The following CX3CR1 variants were observed in gnomAD, a reference collection of about 807,000 sequenced individuals.
CX3CR1 encodes C-X3-C motif chemokine receptor 1, also known as CX3C chemokine receptor 1.
For synonymous variants in CX3CR1, 168 were observed against 178.5 expected (o/e 0.94, Z 0.47); for missense variants, 363 against 432.4 (o/e 0.84, Z 1.42).
upstream of CX3CR1, among the ~76,000 whole-genome samples, chr3:39,281,444 C>G (rs1004426985): frequency 6.6e-6 from 1 of 152,070 alleles, no homozygotes; most frequent in Non-Finnish European, 1.5e-5. Flanking sequence ...GGCCAAGACT[C>G]TCCCTCTCTT....
chr3:39,284,526 T>C (rs138194637), upstream of CX3CR1, among the ~76,000 whole-genome samples: 207 of 152,236 alleles, frequency 1.4e-3, 1 homozygote, highest in African/African-American at 4.7e-3. Flanking sequence ...AGTCTGGGGA[T>C]TAGAGGGTGA....
chr3:39,266,243 G>C lies in CX3CR1; in HGVS notation c.267C>G (p.His89Gln), dbSNP rs1482813857. The change falls in exon 2 of 2, where the codon CAC becomes CAG. Residue 89 changes from histidine to glutamine, a missense_variant. His to Gln is a conservative substitution (Grantham distance 24). Coordinates refer to ENST00000399220, the MANE Select transcript of CX3CR1 (RefSeq NM_001337.4). Reference sequence around the variant, plus strand: ...GGAGGCCCTTTTCATTTATCAAATAGTGAGTCCAGAAGGGCAAAGTGGCTA... The same window carrying C: ...GGAGGCCCTTTTCATTTATCAAATACTGAGTCCAGAAGGGCAAAGTGGCTA... The part of the protein sequence containing the change: ...LFVATLPFWT[H>Q]YLINEKGLHN... 1.9e-6 allele frequency: 3 copies of C among 1,614,082 alleles called. No homozygotes were observed. Among genetic ancestry groups the C allele is most frequent in the Non-Finnish European group, 2.5e-6 (3 of 1,180,020 alleles).
upstream of CX3CR1, chr3:39,281,010 C>T: frequency 1.1e-6 from 1 of 900,170 alleles, no homozygotes; most frequent in Non-Finnish European, 1.3e-6. Flanking sequence ...CCCCTTGCTG[C>T]CCACATCCCA....
chr3:39,281,754 C>G (rs202113290), upstream of CX3CR1: 2 of 1,286,092 alleles, frequency 1.6e-6, no homozygotes, highest in African/African-American at 2.9e-5. Context: ...TCCTACTGTG[C>G]TCTCACCACT....
intron 1 of CX3CR1, among the ~76,000 whole-genome samples, chr3:39,271,684 C>G (rs1273618452): frequency 1.3e-5 from 2 of 152,200 alleles, no homozygotes; most frequent in Non-Finnish European, 2.9e-5. Context: ...ATTCTGTGTG[C>G]TGGAGCTAGT....
the CX3CR1 span, chr3:39,287,876 A>G: frequency 2.0e-5 from 3 of 152,238 alleles, no homozygotes; most frequent in South Asian, 4.1e-4. Context: ...CAACATGGCT[A>G]TAATTCCTGG....
Position 39,265,259 on chromosome 3 carries a change from GTTCAATTTGTTCA to G in CX3CR1, c.*170_*182del, listed in dbSNP as rs2040679163. The stretch of plus-strand genomic sequence containing the variant: ...ATGTCTACTCTTTGTCATTCAAAGA[GTTCAATTTGTTCA>G]TTCTTCAAATTTTGAGCACAATTCT... On this transcript the variant is annotated 3_prime_UTR_variant, in exon 2 of 2. Coordinates refer to ENST00000399220, the MANE Select transcript of CX3CR1 (RefSeq NM_001337.4). The G allele has an allele frequency of 1.7e-6, 1 of 586,556 alleles. No homozygotes were observed. The highest frequency in any genetic ancestry group is 3.3e-5 in the Admixed American group (1 of 30,328). The allele number at this position is 586,556 out of a possible 1,614,324, so 36.3% of individuals were successfully genotyped here.
At chr3:39,268,359 T>A (rs2040730390) in intron 1 of CX3CR1, among the ~76,000 whole-genome samples, 1 of 152,232 alleles carries the variant, frequency 6.6e-6, no homozygotes, top group African/African-American at 2.4e-5. Flanking sequence ...TCAAATGGTA[T>A]AAAATGGCTG....
upstream of CX3CR1, among the ~76,000 whole-genome samples, chr3:39,280,635 TCTCTGCCCCAAGGCATTTAGTGG>T (rs2040886216): frequency 6.6e-6 from 1 of 151,502 alleles, no homozygotes; most frequent in African/African-American, 2.5e-5. Context: ...TTTCCTCACC[TCTCTGCCCCAAGGCATTTAGTGG>T]CTCCCTATAC....
At chr3:39,285,725 T>C (rs1373854059), upstream of CX3CR1, among the ~76,000 whole-genome samples, 1 of 152,246 alleles carries the variant, frequency 6.6e-6, no homozygotes, top group Admixed American at 6.5e-5. Context: ...ATATGGCATG[T>C]GTTTCCATTA....
chr3:39,268,603 C>T (rs1199558878), intron 1 of CX3CR1, among the ~76,000 whole-genome samples: 2 of 152,198 alleles, frequency 1.3e-5, no homozygotes, highest in Non-Finnish European at 2.9e-5. Flanking sequence ...CAAAGCCGAC[C>T]TCGAGAGGTG....
At chr3:39,278,231 G>A (rs1347087494) in intron 1 of CX3CR1, among the ~76,000 whole-genome samples, 1 of 152,204 alleles carries the variant, frequency 6.6e-6, no homozygotes, top group African/African-American at 2.4e-5. Context: ...CCATCCCAGA[G>A]GTGTGGCAAG....
At chr3:39,268,982 TG>T (rs1185934061) in intron 1 of CX3CR1, among the ~76,000 whole-genome samples, 7 of 152,196 alleles carry the variant, frequency 4.6e-5, no homozygotes, top group Non-Finnish European at 1.0e-4. Flanking sequence ...CTGGGTATCC[TG>T]GGAATTTGGT....
chr3:39,268,446 A>G (rs1333041121), intron 1 of CX3CR1, among the ~76,000 whole-genome samples: 3 of 152,226 alleles, frequency 2.0e-5, no homozygotes, highest in Non-Finnish European at 4.4e-5. Flanking sequence ...AGAAATTGCT[A>G]CTTAGTGCCT....
chr3:39,281,824 G>A, upstream of CX3CR1: 2 of 704,452 alleles, frequency 2.8e-6, no homozygotes, highest in South Asian at 3.3e-5. Context: ...CAACTCACCT[G>A]GCTGTCCTGT....
At position 39,264,337 on chromosome 3, in the gene CX3CR1, A is replaced by G. The variant is rs897388826; in HGVS notation, c.*1105T>C. 2 of 152,338 alleles carry G rather than the reference A, an allele frequency of 1.3e-5. No individual in the cohort carries two copies. The highest frequency in any genetic ancestry group is 4.8e-5 in the African/African-American group (2 of 41,478). The allele number at this position is 152,338 out of a possible 1,614,324, so 9.4% of individuals were successfully genotyped here. ...TGCAAGAGTTGGTGGCTAGTTCCTC[A>G]TGCTGGAAAGGATGATCTCTATGTG... On this transcript the variant is annotated 3_prime_UTR_variant, in exon 2 of 2. Coordinates refer to ENST00000399220, the MANE Select transcript of CX3CR1 (RefSeq NM_001337.4).
upstream of CX3CR1, among the ~76,000 whole-genome samples, chr3:39,283,360 T>C (rs2040920255): frequency 6.6e-6 from 1 of 152,156 alleles, no homozygotes; most frequent in Admixed American, 6.5e-5. Context: ...GTGGTATTAC[T>C]TCCAAGGTGG....
chr3:39,290,127 A>T, the CX3CR1 span, among the ~76,000 whole-genome samples: 1 of 152,228 alleles, frequency 6.6e-6, no homozygotes, highest in Non-Finnish European at 1.5e-5. Flanking sequence ...ACACATGTCA[A>T]AGGAACCAGG....
chr3:39,289,455 C>T, the CX3CR1 span, among the ~76,000 whole-genome samples: 1 of 152,244 alleles, frequency 6.6e-6, no homozygotes, highest in Non-Finnish European at 1.5e-5. Flanking sequence ...TTTGCTGAAG[C>T]GCAGCTGTCC....
Sources: gnomAD v4.1 joint callset for allele counts (sites outside exome capture counted in the v4.1 genomes callset) on GRCh38, gnomAD v4.1.1 for gene constraint, MANE v1.5 for transcripts, NCBI Gene and HGNC (gene_info 2026-07-23, HGNC 2026-07-21) for gene names.